LINGO1: variants seen among roughly 807,000 people sequenced by gnomAD.
LINGO1 encodes the protein leucine rich repeat and Ig domain containing 1, also known as leucine-rich repeat and immunoglobulin-like domain-containing nogo receptor-interacting protein 1.
In LINGO1, 11 loss-of-function variants were observed where a neutral mutation model predicts 37.3. The observed-to-expected ratio is 0.29, with a 90% CI of 0.19 to 0.49. LINGO1 has a LOEUF of 0.49. LINGO1 is among the 20% of genes least tolerant of loss of function. The probability of loss-of-function intolerance (pLI) is 0.99; values close to 1 mark genes in which losing one functional copy is unlikely to be tolerated. For missense variants in LINGO1, 585 were observed against 878.2 expected, an observed-to-expected ratio of 0.67 and a Z score of 4.22; for synonymous variants, 387 against 403.0, an observed-to-expected ratio of 0.96 and a Z score of 0.48.
At chr15:77,667,079 G>C (rs1364801906) in intron 3 of LINGO1, 2 of 152,470 alleles carry the variant, frequency 1.3e-5, no homozygotes, top group African/African-American at 4.8e-5. Context: ...GAAGCCTGAA[G>C]TGGATGGGTA....
At chr15:77,776,607 C>T (rs1452406703) in intron 1 of LINGO1, among the ~76,000 whole-genome samples, 1 of 149,294 alleles carries the variant, frequency 6.7e-6, no homozygotes, top group Non-Finnish European at 1.5e-5. Context: ...TATAACAGGC[C>T]CTTTGCATAT....
At chr15:77,663,492 C>T (rs1189753304) in intron 3 of LINGO1, among the ~76,000 whole-genome samples, 1 of 152,190 alleles carries the variant, frequency 6.6e-6, no homozygotes, top group Non-Finnish European at 1.5e-5. Flanking sequence ...ACCCGTTTAA[C>T]CACTCAGGGC....
At chr15:77,763,687 C>A (rs1407914548) in intron 1 of LINGO1, among the ~76,000 whole-genome samples, 1 of 152,122 alleles carries the variant, frequency 6.6e-6, no homozygotes, top group African/African-American at 2.4e-5. Flanking sequence ...CCCTCCAGCT[C>A]CCCCAGGGCT....
upstream of LINGO1, among the ~76,000 whole-genome samples, chr15:77,791,268 G>A (rs1453844912): frequency 2.0e-5 from 3 of 152,166 alleles, no homozygotes; most frequent in Non-Finnish European, 4.4e-5. Context: ...AGGAAGACAA[G>A]CTGAGGATCA....
intron 3 of LINGO1, among the ~76,000 whole-genome samples, chr15:77,661,960 A>G (rs2075003366): frequency 6.6e-6 from 1 of 152,148 alleles, no homozygotes; most frequent in African/African-American, 2.4e-5. Context: ...CCTGCCCAGG[A>G]TGCTGCCTGC....
chr15:77,647,009 G>A (rs1452507107), intron 3 of LINGO1, among the ~76,000 whole-genome samples: 2 of 151,610 alleles, frequency 1.3e-5, no homozygotes, highest in African/African-American at 2.4e-5. Flanking sequence ...TAAGGTCATG[G>A]TGAAGTGAGC....
intron 1 of LINGO1, among the ~76,000 whole-genome samples, chr15:77,781,658 C>A (rs1349489569): frequency 1.3e-5 from 2 of 152,138 alleles, no homozygotes; most frequent in African/African-American, 4.8e-5. Flanking sequence ...CACCACCAGG[C>A]GTGTTCACAT....
intron 3 of LINGO1, among the ~76,000 whole-genome samples, chr15:77,661,224 G>C (rs961206150): frequency 6.6e-6 from 1 of 152,198 alleles, no homozygotes; most frequent in African/African-American, 2.4e-5. Flanking sequence ...GAGGGACAGA[G>C]AGACCTTTGG....
intron 2 of LINGO1, among the ~76,000 whole-genome samples, chr15:77,687,674 T>A (rs1043295403): frequency 2.6e-5 from 4 of 152,142 alleles, no homozygotes; most frequent in Non-Finnish European, 5.9e-5. Context: ...AGTGAAAAAG[T>A]GCTTTGTGGG....
intron 2 of LINGO1, among the ~76,000 whole-genome samples, chr15:77,682,804 G>A (rs1383847962): frequency 1.3e-5 from 2 of 151,748 alleles, no homozygotes; most frequent in African/African-American, 2.4e-5. Flanking sequence ...CCTCATCCCC[G>A]CTCCACTTAA....
intron 1 of LINGO1, among the ~76,000 whole-genome samples, chr15:77,783,334 G>A (rs2076739460): frequency 6.6e-6 from 1 of 152,168 alleles, no homozygotes; most frequent in African/African-American, 2.4e-5. Flanking sequence ...ATCAAGTGAT[G>A]AGCGGGTGAA....
chr15:77,812,515 C>G (rs1484736281), intron 1 of LINGO1, among the ~76,000 whole-genome samples: 7 of 152,206 alleles, frequency 4.6e-5, no homozygotes, highest in Middle Eastern at 3.2e-3. Context: ...TCCCCAGCTG[C>G]TCCAACTCCC....
intron 1 of LINGO1, among the ~76,000 whole-genome samples, chr15:77,631,123 C>A (rs2074242184): frequency 1.3e-5 from 2 of 152,240 alleles, no homozygotes; most frequent in Non-Finnish European, 2.9e-5. Flanking sequence ...CGGCTCATTG[C>A]TCCCTGGGCA....
intron 1 of LINGO1, among the ~76,000 whole-genome samples, chr15:77,693,000 C>T (rs1004819993): frequency 6.6e-6 from 1 of 152,224 alleles, no homozygotes; most frequent in Non-Finnish European, 1.5e-5. Context: ...CGTGTGTCTC[C>T]TACGCACGCA....
intron 2 of LINGO1, among the ~76,000 whole-genome samples, chr15:77,723,922 C>T (rs2076076694): frequency 6.6e-6 from 1 of 152,160 alleles, no homozygotes; most frequent in Admixed American, 6.5e-5. Flanking sequence ...ATCTCTCAGG[C>T]TCAGCTCAGG....
intron 2 of LINGO1, among the ~76,000 whole-genome samples, chr15:77,727,790 A>G (rs4468571): frequency 0.35 from 53,058 of 151,586 alleles, 10,568 homozygotes; most frequent in Admixed American, 0.5. Flanking sequence ...TCCCCATCCT[A>G]TAGATGAGGA....
chr15:77,740,323 T>C (rs532179102), intron 1 of LINGO1, among the ~76,000 whole-genome samples: 2 of 152,316 alleles, frequency 1.3e-5, no homozygotes, highest in South Asian at 4.1e-4. Context: ...CCCCTGGTGC[T>C]CTGCCTGCAG....
chr15:77,615,757 G>A lies in LINGO1; in HGVS notation c.150C>T (p.Ala50=), dbSNP rs373775191. The A allele has an allele frequency of 1.3e-5, 20 of 1,585,194 alleles. No individual in the cohort carries two copies. The highest frequency in any genetic ancestry group is 1.6e-5 in the Non-Finnish European group (19 of 1,170,418). ...TGCPPRCECS[A]QDRAVLCHRK... is the part of the protein sequence containing the mutation. ...GGTGGCACAGCACAGCGCGGTCCTG[G>A]GCGGAGCACTCGCAGCGGGGCGGGC... Residue 50 remains alanine (A), a synonymous_variant, in exon 2 of 2, where the codon GCC becomes GCT. Coordinates refer to ENST00000355300, the MANE Select transcript of LINGO1 (RefSeq NM_032808.7).
At chr15:77,682,984 AACAG>A (rs1399615899) in intron 2 of LINGO1, among the ~76,000 whole-genome samples, 1 of 152,314 alleles carries the variant, frequency 6.6e-6, no homozygotes, top group African/African-American at 2.4e-5. Flanking sequence ...CAACACACAA[AACAG>A]ACAAAGTTTT....
Sources: gnomAD v4.1 joint callset for allele counts (sites outside exome capture counted in the v4.1 genomes callset) on GRCh38, gnomAD v4.1.1 for gene constraint, MANE v1.5 for transcripts, NCBI Gene and HGNC (gene_info 2026-07-23, HGNC 2026-07-21) for gene names.